Variants in RBM39 observed in about 807,000 individuals in gnomAD.
RBM39 encodes the protein RNA binding motif protein 39.
In RBM39, 12 loss-of-function variants were observed where a neutral mutation model predicts 79.6. The observed-to-expected ratio is 0.15, with a 90% CI of 0.10 to 0.24. The LOEUF (loss-of-function observed/expected upper bound fraction) is 0.24, where lower values mean the gene tolerates loss of function less well. Ranked by LOEUF, RBM39 falls within the 10% of genes least tolerant of loss-of-function variation. The pLI, the probability that RBM39 is intolerant of heterozygous loss-of-function variation, is 1.00. For missense variants in RBM39, 243 were observed against 653.4 expected (o/e 0.37, Z 6.85); for synonymous variants, 185 against 208.4 (o/e 0.89, Z 0.97).
At chr20:35,718,503 C>G (rs1377666248) in intron 9 of RBM39, among the ~76,000 whole-genome samples, 4 of 151,818 alleles carry the variant, frequency 2.6e-5, no homozygotes, top group Admixed American at 2.6e-4. Flanking sequence ...CGGTGAAACC[C>G]TGTCTCTACT....
intron 6 of RBM39, 35 bp from the exon 7 acceptor site, chr20:35,725,190 AAC>A: frequency 3.9e-6 from 5 of 1,277,980 alleles, no homozygotes; most frequent in Non-Finnish European, 5.5e-6. Flanking sequence ...TTAATTTCAT[AAC>A]AGATTTTAAA....
rs1445304527 is a variant in RBM39 at position 35,703,546 on chromosome 20, A to G, written c.*935T>C. 6.6e-6 allele frequency: 1 copy of G among 152,536 alleles called. No homozygotes were observed. 9.4% of individuals were successfully genotyped at this position (152,536 alleles called of 1,614,324 possible). On this transcript the variant is annotated 3_prime_UTR_variant, in exon 17 of 17. Transcript: ENST00000253363. ...AGGCAAGTACTGAATTGAGACTAAA[A>G]GAAGCTAATTCTGTTCTCAAATTTC...
At chr20:35,728,421 G>T (rs1161662443) in intron 6 of RBM39, among the ~76,000 whole-genome samples, 1 of 152,062 alleles carries the variant, frequency 6.6e-6, no homozygotes, top group Non-Finnish European at 1.5e-5. Context: ...ATCATTACAT[G>T]TCCATTAAAA....
intron 3 of RBM39, chr20:35,734,918 T>G: frequency 6.3e-7 from 1 of 1,580,534 alleles, no homozygotes; most frequent in Middle Eastern, 1.7e-4. Context: ...TCCAAAGTCT[T>G]TAATGGCAGT....
At chr20:35,707,389 TA>T (rs775132488) in intron 13 of RBM39, 188 bp from the exon 14 acceptor site, 41 of 393,080 alleles carry the variant, frequency 1.0e-4, no homozygotes, top group Non-Finnish European at 1.7e-4. Flanking sequence ...AAAACTGAGG[TA>T]ACCTAATACT....
rs549316797 is a variant in RBM39 at position 35,702,351 on chromosome 20, T to C, written c.*2130A>G. 4 of 152,354 alleles carry C rather than the reference T, an allele frequency of 2.6e-5. No individual in the cohort carries two copies. The East Asian group carries it at 5.8e-4, about 22-fold the overall frequency. The allele number at this position is 152,354 out of a possible 1,614,324, so 9.4% of individuals were successfully genotyped here. ...ATAAACAGTTTCACTCAGAATGAGC[T>C]GTTTTCTATGCACGACACTATTCAA... On this transcript the variant is annotated 3_prime_UTR_variant, in exon 17 of 17. Coordinates refer to ENST00000253363, the MANE Select transcript of RBM39 (RefSeq NM_184234.3).
At chr20:35,734,901 G>T in intron 3 of RBM39, 1 of 1,561,480 alleles carries the variant, frequency 6.4e-7, no homozygotes, top group Non-Finnish European at 8.6e-7. Flanking sequence ...CAACTTAAAA[G>T]GGACTTTCCA....
At chr20:35,724,539 T>A in intron 8 of RBM39, 31 bp downstream of exon 8, 3 of 1,606,924 alleles carry the variant, frequency 1.9e-6, no homozygotes, top group Non-Finnish European at 2.6e-6. Context: ...ACACCACCAA[T>A]AATCAAACTC....
Position 35,725,915 on chromosome 20 carries a change from C to T in RBM39, c.417-760G>A, listed in dbSNP as rs535444388. Among the ~76,000 whole-genome samples, 5 of 151,928 alleles carry T rather than the reference C, an allele frequency of 3.3e-5. No individual in the cohort carries two copies. In the East Asian group the frequency reaches 5.9e-4, roughly 18 times the overall value. ...TTGATCTCAGGTGATGTGCCCGCCT[C>T]GGCCTCCCAAAGTGCTGGGATTACA... On this transcript the variant is annotated intron_variant, in intron 6 of 16. Coordinates refer to ENST00000253363, the MANE Select transcript of RBM39 (RefSeq NM_184234.3).
rs763823388 is a variant in RBM39, at chr20:35,704,454, T to C, written c.*27A>G. ...TGAATTCTCAAGAAAGAAAAAAAGC[T>C]ATATACATAAGGGACTATATCTTCC... On this transcript the variant is annotated 3_prime_UTR_variant, in exon 17 of 17. Coordinates refer to ENST00000253363, the MANE Select transcript of RBM39 (RefSeq NM_184234.3). The C allele has an allele frequency of 2.1e-6, 3 of 1,460,908 alleles. No homozygotes were observed. Among genetic ancestry groups the C allele is most frequent in the Non-Finnish European group, 2.8e-6 (3 of 1,062,904 alleles). The allele number at this position is 1,460,908 out of a possible 1,614,324, so 90.5% of individuals were successfully genotyped here.
rs150877231 is a variant in RBM39 at position 35,714,044 on chromosome 20, AAAT to A, written c.1096+138_1096+140del. On this transcript the variant is annotated intron_variant, in intron 11 of 16. Coordinates refer to ENST00000253363, the MANE Select transcript of RBM39 (RefSeq NM_184234.3). ...ATTAATACAAGGCACATCATCTATA[AAAT>A]AATATGCAGTGTGACCAAGGATAAC... 4.0e-3 allele frequency: 3,032 copies of A among 752,354 alleles called. 50 individuals carry two copies. The African/African-American group carries it at 0.044, about 11-fold the overall frequency. 46.6% of individuals were successfully genotyped at this position (752,354 alleles called of 1,614,324 possible). A position where few individuals can be genotyped will look rare whatever the true frequency, so the allele number is the denominator to read the frequency against.
chr20:35,729,852 A>AC (rs58593347), intron 4 of RBM39, among the ~76,000 whole-genome samples: 15,138 of 151,810 alleles, frequency 0.1, 773 homozygotes, highest in South Asian at 0.14. Flanking sequence ...TTAAAAAAAA[A>AC]AAAACACACA....
At chr20:35,710,219 T>C (rs1466314718) in intron 12 of RBM39, 1 of 152,106 alleles carries the variant, frequency 6.6e-6, no homozygotes, top group Non-Finnish European at 1.5e-5. Flanking sequence ...CATATATGGG[T>C]TTCTTGCAAC....
chr20:35,708,106 A>G (rs962140671), intron 13 of RBM39: 62 of 219,774 alleles, frequency 2.8e-4, no homozygotes, highest in African/African-American at 1.9e-4. Context: ...ATCATAAATG[A>G]TAACTTTCTG....
chr20:35,734,120 G>T, intron 3 of RBM39: 1 of 894,058 alleles, frequency 1.1e-6, no homozygotes, highest in Non-Finnish European at 1.6e-6. Flanking sequence ...ACTGAGGTCT[G>T]CCTCAGAGAA....
chr20:35,735,326 C>T (rs1270115477), intron 3 of RBM39, among the ~76,000 whole-genome samples: 1 of 152,202 alleles, frequency 6.6e-6, no homozygotes, highest in Non-Finnish European at 1.5e-5. Context: ...TGCAAAAACT[C>T]AGGTTTACAG....
rs751530968 is a variant in RBM39, at chr20:35,709,261, A to G, written c.1188T>C (p.Val396=). Residue 396 remains valine (V), a synonymous_variant, in exon 13 of 17, where the codon GTT becomes GTC. Coordinates refer to ENST00000253363, the MANE Select transcript of RBM39 (RefSeq NM_184234.3). ...AFGAVAEFSF[V]IDLQTRLSQQ... is the part of the protein sequence containing the mutation. ...GGGAAAGTCTTGTTTGCAAATCTAT[A>G]ACAAAAGAGAATTCTACAGCTCAGT... The G allele has an allele frequency of 1.9e-6, 3 of 1,609,842 alleles. No individual in the cohort carries two copies. Among genetic ancestry groups the G allele is most frequent in the Non-Finnish European group, 2.5e-6 (3 of 1,178,858 alleles).
intron 11 of RBM39, 106 bp downstream of exon 11, chr20:35,714,079 T>C (rs745754541): frequency 5.5e-5 from 64 of 1,167,636 alleles, no homozygotes; most frequent in Non-Finnish European, 7.5e-5. Context: ...TAACGCCAAC[T>C]ACAAAATAAG....
chr20:35,738,480 ACT>A (rs2040211414), intron 3 of RBM39, among the ~76,000 whole-genome samples: 2 of 145,080 alleles, frequency 1.4e-5, no homozygotes, highest in African/African-American at 5.4e-5. Context: ...CTTTAGAAGT[ACT>A]TAAGTACCTG....
Sources: gnomAD v4.1 joint callset for allele counts (sites outside exome capture counted in the v4.1 genomes callset) on GRCh38, gnomAD v4.1.1 for gene constraint, MANE v1.5 for transcripts, NCBI Gene and HGNC (gene_info 2026-07-23, HGNC 2026-07-21) for gene names.